Variants in XRCC4 observed in about 807,000 individuals in gnomAD.
XRCC4 encodes the protein X-ray repair cross complementing 4, also known as DNA repair protein XRCC4.
XRCC4 carries 28 observed loss-of-function variants against 39.1 expected under a neutral mutation model. The observed-to-expected ratio is 0.72, with a 90% CI of 0.53 to 0.98. The LOEUF (loss-of-function observed/expected upper bound fraction) is 0.98. XRCC4 is among the 50% of genes least tolerant of loss of function. XRCC4 has a pLI of 0.00. For missense variants in XRCC4, 350 were observed against 376.4 expected (o/e 0.93, Z 0.58); for synonymous variants, 123 against 126.4 (o/e 0.97, Z 0.18).
Position 83,207,330 on chromosome 5 carries a change from A to G in XRCC4, c.745+2409A>G, listed in dbSNP as rs1173501257. Among the ~76,000 whole-genome samples, 4 of 132,794 alleles carry G rather than the reference A, an allele frequency of 3.0e-5. No homozygotes were observed. The East Asian group carries it at 7.8e-4, about 26-fold the overall frequency. The allele number at this position is 132,794 out of a possible 152,430, so 87.1% of individuals were successfully genotyped here. ...AAGTAAAACTTTAAGCTACAATTGT[A>G]CTATTTTCAATTTGGCAAAATTCTC... is the stretch of plus-strand genomic sequence containing the variant. On this transcript the variant is annotated intron_variant, in intron 6 of 7. Transcript: ENST00000396027.
intron 7 of XRCC4, among the ~76,000 whole-genome samples, chr5:83,335,767 C>T (rs1395361489): frequency 1.3e-5 from 2 of 151,980 alleles, no homozygotes; most frequent in Admixed American, 1.3e-4. Flanking sequence ...CCTCTAATAG[C>T]TCTTCTATAT....
chr5:83,329,286 T>C (rs1756362746), intron 7 of XRCC4, among the ~76,000 whole-genome samples: 1 of 152,040 alleles, frequency 6.6e-6, no homozygotes, highest in Admixed American at 6.6e-5. Flanking sequence ...AATGTATAAA[T>C]TTGACCACAT....
chr5:83,141,445 C>A (rs1472021489), intron 3 of XRCC4, among the ~76,000 whole-genome samples: 1 of 152,164 alleles, frequency 6.6e-6, no homozygotes, highest in Non-Finnish European at 1.5e-5. Flanking sequence ...TTGCCTGATT[C>A]CTCACACCCT....
intron 7 of XRCC4, among the ~76,000 whole-genome samples, chr5:83,283,794 T>C (rs1269785148): frequency 1.3e-5 from 2 of 152,060 alleles, no homozygotes; most frequent in Non-Finnish European, 2.9e-5. Flanking sequence ...TCTTAACTCA[T>C]CTCGGAGTTA....
At chr5:83,285,813 C>G (rs746929638) in intron 7 of XRCC4, among the ~76,000 whole-genome samples, 1 of 152,100 alleles carries the variant, frequency 6.6e-6, no homozygotes, top group Non-Finnish European at 1.5e-5. Flanking sequence ...ATTGGTAACT[C>G]CTTTGGGCTT....
At chr5:83,371,115 C>A in the XRCC4 span, among the ~76,000 whole-genome samples, 1 of 152,122 alleles carries the variant, frequency 6.6e-6, no homozygotes, top group Non-Finnish European at 1.5e-5. Flanking sequence ...TGCCTCCAAG[C>A]CCTTTCATCC....
intron 3 of XRCC4, among the ~76,000 whole-genome samples, chr5:83,130,338 A>G (rs574316088): frequency 6.6e-6 from 1 of 152,284 alleles, no homozygotes; most frequent in South Asian, 2.1e-4. Context: ...GTGGTGGATA[A>G]GCTTTTTGAT....
At chr5:83,368,665 G>C in the XRCC4 span, among the ~76,000 whole-genome samples, 3 of 152,182 alleles carry the variant, frequency 2.0e-5, no homozygotes, top group African/African-American at 7.2e-5. Context: ...GGTCATCAGC[G>C]AGCTCTAATT....
chr5:83,137,399 T>C (rs1403116226), intron 3 of XRCC4, among the ~76,000 whole-genome samples: 1 of 152,228 alleles, frequency 6.6e-6, no homozygotes, highest in Non-Finnish European at 1.5e-5. Flanking sequence ...CTACTGAATT[T>C]AGCAAGTTTA....
At chr5:83,330,361 A>G (rs1018549104) in intron 7 of XRCC4, among the ~76,000 whole-genome samples, 11 of 152,024 alleles carry the variant, frequency 7.2e-5, no homozygotes, top group African/African-American at 2.7e-4. Flanking sequence ...TAATTATACA[A>G]GATAGTATTA....
At chr5:83,213,152 C>T (rs1022527888) in intron 6 of XRCC4, among the ~76,000 whole-genome samples, 4 of 151,836 alleles carry the variant, frequency 2.6e-5, no homozygotes, top group South Asian at 2.1e-4. Context: ...TTATATCCAG[C>T]AAAGTATCTT....
At chr5:83,346,155 A>T (rs72769356) in intron 7 of XRCC4, among the ~76,000 whole-genome samples, 59 of 152,300 alleles carry the variant, frequency 3.9e-4, no homozygotes, top group Non-Finnish European at 6.0e-4. Flanking sequence ...TCTGTCATTA[A>T]TGTTTCCTCT....
chr5:83,144,894 A>G (rs1042479761), intron 3 of XRCC4, among the ~76,000 whole-genome samples: 2 of 151,976 alleles, frequency 1.3e-5, no homozygotes, highest in Non-Finnish European at 2.9e-5. Flanking sequence ...TGTCATGATC[A>G]TAAATTATTA....
intron 2 of XRCC4, among the ~76,000 whole-genome samples, chr5:83,105,886 T>A (rs943368279): frequency 6.6e-6 from 1 of 152,172 alleles, no homozygotes; most frequent in Non-Finnish European, 1.5e-5. Flanking sequence ...TTTGTTACCA[T>A]GATTATTATA....
chr5:83,335,263 T>TA (rs1756559687), intron 7 of XRCC4, among the ~76,000 whole-genome samples: 1 of 151,834 alleles, frequency 6.6e-6, no homozygotes, highest in African/African-American at 2.4e-5. Context: ...GGTGGCCTGA[T>TA]ATAGCAATCA....
intron 3 of XRCC4, among the ~76,000 whole-genome samples, chr5:83,114,646 C>T (rs904102448): frequency 1.3e-5 from 2 of 152,214 alleles, no homozygotes; most frequent in Admixed American, 6.5e-5. Flanking sequence ...AACTTTTTCA[C>T]ATCTTCCTGT....
chr5:83,092,683 T>A (rs953171100), intron 1 of XRCC4, among the ~76,000 whole-genome samples: 4 of 152,108 alleles, frequency 2.6e-5, no homozygotes, highest in Non-Finnish European at 4.4e-5. Flanking sequence ...ATTTAATCAA[T>A]GTTAAGCTGC....
downstream of XRCC4, among the ~76,000 whole-genome samples, chr5:83,355,957 G>A (rs1397758472): frequency 6.6e-6 from 1 of 151,906 alleles, no homozygotes; most frequent in African/African-American, 2.4e-5. Flanking sequence ...AGTAGAGAGA[G>A]AATAAGAAAA....
intron 3 of XRCC4, among the ~76,000 whole-genome samples, chr5:83,141,442 A>AT (rs769860170): frequency 6.6e-6 from 1 of 152,156 alleles, no homozygotes; most frequent in Non-Finnish European, 1.5e-5. Flanking sequence ...AAATTGCCTG[A>AT]TTCCTCACAC....
Sources: allele counts gnomAD v4.1 joint callset (sites outside exome capture counted in the v4.1 genomes callset), GRCh38; gene constraint gnomAD v4.1.1; transcripts MANE v1.5; gene names NCBI Gene and HGNC (gene_info 2026-07-23, HGNC 2026-07-21).